Variants in FER observed in about 807,000 individuals in gnomAD.
The protein encoded by FER is tyrosine-protein kinase Fer.
Under a neutral mutation model 111.0 loss-of-function variants are expected in FER, and 63 were observed. That is an observed-to-expected ratio of 0.57 (90% CI 0.46 to 0.70). The LOEUF (loss-of-function observed/expected upper bound fraction) is 0.70, where lower values mean the gene tolerates loss of function less well. Among genes scored for constraint, FER ranks in the 30% least tolerant of loss-of-function variants. The probability of loss-of-function intolerance (pLI) is 0.00; values close to 1 mark genes in which losing one functional copy is unlikely to be tolerated. For synonymous variants in FER, 327 were observed against 313.9 expected (o/e 1.04, Z -0.44); for missense variants, 914 against 954.0 (o/e 0.96, Z 0.55).
intron 13 of FER, among the ~76,000 whole-genome samples, chr5:108,962,118 T>C (rs1759226249): frequency 6.6e-6 from 1 of 152,152 alleles, no homozygotes; most frequent in African/African-American, 2.4e-5. Context: ...CACTCAGAGG[T>C]ACCGAAAACT....
Position 109,180,913 on chromosome 5 carries a change from C to A in FER, c.2203+12C>A, listed in dbSNP as rs748610275. 69 of 1,567,346 alleles carry A rather than the reference C, an allele frequency of 4.4e-5. No homozygotes were observed. Among genetic ancestry groups the A allele is most frequent in the Non-Finnish European group, 5.1e-5 (59 of 1,163,162 alleles). On this transcript the variant is annotated intron_variant, in intron 18 of 19. Transcript: ENST00000281092. ...AGCTCTTAATTATGGTAAGAATAGACCACATTTTTTTTTTAATGGTAAAAA... is the reference window on the plus strand; with the variant it reads ...AGCTCTTAATTATGGTAAGAATAGAACACATTTTTTTTTTAATGGTAAAAA...
chr5:109,035,433 A>C (rs1770243328), intron 13 of FER, among the ~76,000 whole-genome samples: 1 of 152,214 alleles, frequency 6.6e-6, no homozygotes, highest in Non-Finnish European at 1.5e-5. Flanking sequence ...AACTCAGCAA[A>C]GTGATTTGCA....
chr5:109,112,828 C>A (rs6861826), intron 17 of FER, among the ~76,000 whole-genome samples: 4,863 of 152,200 alleles, frequency 0.032, 108 homozygotes, highest in Middle Eastern at 0.092. Context: ...ACTGCAGTTT[C>A]CAGCAGTGCA....
chr5:108,855,788 A>G (rs1477360482), intron 5 of FER, among the ~76,000 whole-genome samples: 4 of 152,116 alleles, frequency 2.6e-5, no homozygotes, highest in African/African-American at 9.7e-5. Context: ...GATTTTGACA[A>G]GAGAAGTTTC....
intron 16 of FER, among the ~76,000 whole-genome samples, chr5:109,063,048 A>C (rs1487305948): frequency 6.6e-6 from 1 of 152,200 alleles, no homozygotes; most frequent in East Asian, 1.9e-4. Context: ...AATTGAGTTC[A>C]TTTGGTTTAT....
At chr5:108,874,529 T>C (rs944304084) in intron 8 of FER, among the ~76,000 whole-genome samples, 1 of 152,134 alleles carries the variant, frequency 6.6e-6, no homozygotes, top group Non-Finnish European at 1.5e-5. Context: ...AGCATCTCTG[T>C]TGGCACTTTC....
chr5:108,877,765 T>C (rs1223519213), intron 8 of FER, among the ~76,000 whole-genome samples: 2 of 152,286 alleles, frequency 1.3e-5, no homozygotes, highest in East Asian at 3.9e-4. Flanking sequence ...GTTTGTCAAG[T>C]CATAATTTTT....
In FER at chr5:108,761,167, G is replaced by A. The variant is rs188255264; in HGVS notation, c.-205-6926G>A. 3.0e-3 allele frequency among the ~76,000 whole-genome samples: 457 copies of A among 152,056 alleles called. 2 individuals are homozygous for A. Among genetic ancestry groups the A allele is most frequent in the African/African-American group, 9.8e-3 (407 of 41,492 alleles). On this transcript the variant is annotated intron_variant, in intron 1 of 19. Coordinates refer to ENST00000281092, the MANE Select transcript of FER (RefSeq NM_005246.4). ...CTGGTCTCGAACCCCTGGCCTCGTG[G>A]TCCCCCCACCTCGGCCTCCCAAAGT...
intron 17 of FER, among the ~76,000 whole-genome samples, chr5:109,156,415 A>G (rs10080132): frequency 0.42 from 63,570 of 151,794 alleles, 13,603 homozygotes; most frequent in African/African-American, 0.47. Flanking sequence ...AAGCAGATTT[A>G]GATTATGATA....
rs79979648 is a variant in FER at position 109,114,903 on chromosome 5, A to G, written c.2048+14384A>G. ...GTATTATATCCTGTTATCTTCTAAAATGAAGGTCTTGTTTTACCAACTACT... is the reference window on the plus strand; with the variant it reads ...GTATTATATCCTGTTATCTTCTAAAGTGAAGGTCTTGTTTTACCAACTACT... On this transcript the variant is annotated intron_variant, in intron 17 of 19. Transcript: ENST00000281092. Among the ~76,000 whole-genome samples the G allele has an allele frequency of 1.9e-3, 286 of 152,116 alleles. 3 individuals carry two copies. The highest frequency in any genetic ancestry group is 6.3e-3 in the African/African-American group (261 of 41,528).
chr5:109,147,800 T>TAGAG (rs750473377), intron 17 of FER, among the ~76,000 whole-genome samples: 527 of 118,578 alleles, frequency 4.4e-3, no homozygotes, highest in East Asian at 5.6e-3. Context: ...TATATATATA[T>TAGAG]AGAGAGAGAG....
intron 10 of FER, among the ~76,000 whole-genome samples, chr5:108,914,033 C>G (rs1751913865): frequency 6.6e-6 from 1 of 152,192 alleles, no homozygotes; most frequent in Non-Finnish European, 1.5e-5. Context: ...CAAGACACTT[C>G]TAGAGTATAG....
At chr5:108,967,621 G>A (rs1230457771) in intron 13 of FER, among the ~76,000 whole-genome samples, 1 of 151,964 alleles carries the variant, frequency 6.6e-6, no homozygotes, top group Non-Finnish European at 1.5e-5. Context: ...TTAGCTGGGT[G>A]TGGTGGTGGG....
chr5:108,786,721 C>T (rs979493148), intron 2 of FER, among the ~76,000 whole-genome samples: 1 of 152,072 alleles, frequency 6.6e-6, no homozygotes, highest in Non-Finnish European at 1.5e-5. Flanking sequence ...AGAATGGTCT[C>T]GATCTCCTAA....
chr5:108,959,202 C>T lies in FER; in HGVS notation c.1534-23C>T, dbSNP rs1468440264. ...CTAAAGCAATGTCTTCACATTTATT[C>T]TACCTTATTGTTCTCTCTCCAGAAC... On this transcript the variant is annotated intron_variant, in intron 12 of 19. Transcript: ENST00000281092. 6 of 1,595,312 alleles carry T rather than the reference C, an allele frequency of 3.8e-6. No homozygotes were observed. In the African/African-American group the frequency reaches 8.1e-5, roughly 22 times the overall value.
At chr5:108,871,299 C>T in intron 6 of FER, 66 bp from the exon 7 acceptor site, 1 of 1,334,668 alleles carries the variant, frequency 7.5e-7, no homozygotes, top group Non-Finnish European at 1.0e-6. Flanking sequence ...GTTCTGAATC[C>T]TTTTTGAGAT....
At chr5:108,962,999 A>G (rs988596766) in intron 13 of FER, among the ~76,000 whole-genome samples, 8 of 152,194 alleles carry the variant, frequency 5.3e-5, no homozygotes, top group Admixed American at 4.6e-4. Context: ...TCTATAAAAT[A>G]TTAACTTGAA....
chr5:109,138,801 A>G (rs549141023), intron 17 of FER, among the ~76,000 whole-genome samples: 20 of 152,318 alleles, frequency 1.3e-4, no homozygotes, highest in African/African-American at 4.8e-4. Context: ...GGTTTGAACT[A>G]TGTCACGTGC....
At chr5:108,815,006 A>G (rs1319825746) in intron 3 of FER, among the ~76,000 whole-genome samples, 4 of 152,114 alleles carry the variant, frequency 2.6e-5, no homozygotes, top group Non-Finnish European at 5.9e-5. Flanking sequence ...TTGGCATAAG[A>G]AGATATTCCA....
Sources: gnomAD v4.1 joint callset for allele counts (sites outside exome capture counted in the v4.1 genomes callset) on GRCh38, gnomAD v4.1.1 for gene constraint, MANE v1.5 for transcripts, NCBI Gene and HGNC (gene_info 2026-07-23, HGNC 2026-07-21) for gene names.